PPM1N: variants seen among roughly 807,000 people sequenced by gnomAD.
PPM1N encodes the protein protein phosphatase, Mg2+/Mn2+ dependent 1N (putative), also known as probable protein phosphatase 1N.
In PPM1N, 35 loss-of-function variants were observed where a neutral mutation model predicts 32.6. The observed-to-expected ratio is 1.07, with a 90% confidence interval of 0.82 to 1.43. PPM1N has a LOEUF of 1.43. PPM1N is among the 40% of genes most tolerant of loss of function. PPM1N has a pLI of 0.00. For missense variants in PPM1N, 648 were observed against 606.6 expected (o/e 1.07, Z -0.72); for synonymous variants, 275 against 270.5 (o/e 1.02, Z -0.16).
At chr19:45,499,544 A>G in intron 1 of PPM1N, 133 bp downstream of exon 1, 2 of 1,551,234 alleles carry the variant, frequency 1.3e-6, no homozygotes, top group Non-Finnish European at 1.7e-6. Context: ...ACTCAAGCGA[A>G]GGGCGTGGCC....
In PPM1N at chr19:45,499,075, G is replaced by A. The variant is rs1023594047; in HGVS notation, c.603G>A (p.Arg201=). ...GAVAFSTEDH[R]PLRPRERERI... is the part of the protein sequence containing the mutation. Reference sequence around the variant, plus strand: ...TGGCCTTCAGCACAGAGGACCACCGGCCCCTTCGACCCCGGGAACGCGAGC... The same window carrying A: ...TGGCCTTCAGCACAGAGGACCACCGACCCCTTCGACCCCGGGAACGCGAGC... Residue 201 remains arginine (R), a synonymous_variant, in exon 1 of 5, where the codon CGG becomes CGA. Transcript: ENST00000451287. 2 of 1,517,890 alleles carry A rather than the reference G, an allele frequency of 1.3e-6. No individual in the cohort carries two copies. Among genetic ancestry groups the A allele is most frequent in the Admixed American group, 2.2e-5 (1 of 45,096 alleles). The allele number at this position is 1,517,890 out of a possible 1,614,324, so 94.0% of individuals were successfully genotyped here.
rs1485652122 is a variant in PPM1N at position 45,498,680 on chromosome 19, AGCGCAGCGCAAGGCTGGCGC to A, written c.213_232del (p.Ala72HisfsTer53). The A allele has an allele frequency of 1.4e-6, 2 of 1,451,912 alleles. No individual in the cohort carries two copies. The highest frequency in any genetic ancestry group is 1.8e-6 in the Non-Finnish European group (2 of 1,104,810). 89.9% of individuals were successfully genotyped at this position (1,451,912 alleles called of 1,614,324 possible). Reference sequence around the variant, plus strand: ...GTCTGGGGGCCTGCGCTTCGGGGCGAGCGCAGCGCAAGGCTGGCGCGCGCGCATGGAGGATGCTCACTGCA... The same window carrying A: ...GTCTGGGGGCCTGCGCTTCGGGGCGAGCGCGCATGGAGGATGCTCACTGCA... On this transcript the variant is annotated frameshift_variant, in exon 1 of 5. Transcript: ENST00000451287. LOFTEE classifies it high-confidence loss of function.
rs1209427924 is a variant in PPM1N at position 45,502,219 on chromosome 19, T to G, written c.*134T>G. The G allele has an allele frequency of 4.4e-6, 3 of 675,802 alleles. No homozygotes were observed. The highest frequency in any genetic ancestry group is 7.8e-6 in the Non-Finnish European group (3 of 383,434). 41.9% of individuals were successfully genotyped at this position (675,802 alleles called of 1,614,324 possible). A position where few individuals can be genotyped will look rare whatever the true frequency, so the allele number is the denominator to read the frequency against. ...AATGTAGGAACCCAAAATGCTTATT[T>G]CTTCTTCTCTTACTTCCCTCTCACA... On this transcript the variant is annotated 3_prime_UTR_variant, in exon 5 of 5. Coordinates refer to ENST00000451287, the MANE Select transcript of PPM1N (RefSeq NM_001080401.2).
chr19:45,500,352 C>G, intron 2 of PPM1N, 104 bp from the exon 3 acceptor site: 2 of 1,043,286 alleles, frequency 1.9e-6, no homozygotes, highest in Non-Finnish European at 1.4e-6. Flanking sequence ...CCAGGCTGGT[C>G]TCGAACCCCT....
chr19:45,502,309 A>G lies in PPM1N; in HGVS notation c.*224A>G, dbSNP rs1232690403. 2.0e-4 allele frequency: 33 copies of G among 163,054 alleles called. No homozygotes were observed. The highest frequency in any genetic ancestry group is 1.6e-3 in the Admixed American group (10 of 6,166). 10.1% of individuals were successfully genotyped at this position (163,054 alleles called of 1,614,324 possible). A position where few individuals can be genotyped will look rare whatever the true frequency, so the allele number is the denominator to read the frequency against. On this transcript the variant is annotated 3_prime_UTR_variant, in exon 5 of 5. Transcript: ENST00000451287. The stretch of plus-strand genomic sequence containing the variant: ...ACCAAAAAGAAAAAAGCCCAAATCG[A>G]AAAAAAAAAAAAAAAAAAAAAAAAA...
At position 45,502,327 on chromosome 19, in the gene PPM1N, AAAAAAAAC is replaced by A. The variant is rs369520573; in HGVS notation, c.*251_*258del. ...CAAATCGAAAAAAAAAAAAAAAAAA[AAAAAAAAC>A]AAAAAAACCCAACCAAATGTTTTTG... On this transcript the variant is annotated 3_prime_UTR_variant, in exon 5 of 5. Transcript: ENST00000451287. 3.8e-3 allele frequency: 1,885 copies of A among 498,282 alleles called. 49 individuals are homozygous for A. The highest frequency in any genetic ancestry group is 0.034 in the African/African-American group (1,486 of 43,466). 30.9% of individuals were successfully genotyped at this position (498,282 alleles called of 1,614,324 possible).
At chr19:45,500,847 C>T in intron 4 of PPM1N, 137 bp downstream of exon 4, 1 of 670,598 alleles carries the variant, frequency 1.5e-6, no homozygotes. Context: ...TCTCTTCTTT[C>T]TTTCTCTTTT....
chr19:45,499,551 G>T, intron 1 of PPM1N, 140 bp downstream of exon 1: 2 of 1,550,466 alleles, frequency 1.3e-6, no homozygotes, highest in Non-Finnish European at 1.7e-6. Flanking sequence ...CGAAGGGCGT[G>T]GCCTGAAGTG....
intron 4 of PPM1N, among the ~76,000 whole-genome samples, chr19:45,501,144 A>G (rs1968408570): frequency 6.6e-6 from 1 of 152,180 alleles, no homozygotes; most frequent in Non-Finnish European, 1.5e-5. Context: ...AACGCTCTGC[A>G]GTGCCCCATC....
Position 45,499,974 on chromosome 19 carries a change from T to A in PPM1N, c.965T>A (p.Ile322Asn). Residue 322 changes from isoleucine (I) to asparagine (N), a missense_variant, in exon 2 of 5, where the codon ATC becomes AAC. Transcript: ENST00000451287. ...GGCAGCCTGGACAACATGACCTGCA[T>A]CCTGGTCTGCTTCCCTGGGGCCCCT... is the stretch of plus-strand genomic sequence containing the variant. ...CKGSLDNMTC[I>N]LVCFPGAPRP... 2.5e-6 allele frequency: 4 copies of A among 1,597,508 alleles called. No individual in the cohort carries two copies. Among genetic ancestry groups the A allele is most frequent in the Non-Finnish European group, 3.4e-6 (4 of 1,171,584 alleles).
At chr19:45,501,840 T>A (rs1968418234) in intron 4 of PPM1N, among the ~76,000 whole-genome samples, 177 bp from the exon 5 acceptor site, 1 of 152,166 alleles carries the variant, frequency 6.6e-6, no homozygotes, top group African/African-American at 2.4e-5. Context: ...GGTCACATGC[T>A]GACCAGTCAC....
chr19:45,498,874 G>C lies in PPM1N; in HGVS notation c.402G>C (p.Glu134Asp). 6.6e-7 allele frequency: 1 copy of C among 1,517,384 alleles called. No individual in the cohort carries two copies. The highest frequency in any genetic ancestry group is 1.2e-5 in the South Asian group (1 of 80,544). The allele number at this position is 1,517,384 out of a possible 1,614,324, so 94.0% of individuals were successfully genotyped here. A position where few individuals can be genotyped will look rare whatever the true frequency, so the allele number is the denominator to read the frequency against. The change falls in exon 1 of 5, where the codon GAG becomes GAC. Residue 134 changes from glutamate to aspartate, a missense_variant. Glu to Asp is a conservative substitution (Grantham distance 45). Coordinates refer to ENST00000451287, the MANE Select transcript of PPM1N (RefSeq NM_001080401.2). ...TGGGCCCGGAGCCTAGCGAGCCCGA[G>C]GGCGTGCGCGAGGCGCTGCGCCGAG... is the stretch of plus-strand genomic sequence containing the variant. ...QELGPEPSEP[E>D]GVREALRRAF...
Position 45,498,510 on chromosome 19 carries a change from G to T in PPM1N, c.38G>T (p.Trp13Leu). The T allele has an allele frequency of 7.1e-7, 1 of 1,406,966 alleles. No homozygotes were observed. The allele number at this position is 1,406,966 out of a possible 1,614,324, so 87.2% of individuals were successfully genotyped here. A position where few individuals can be genotyped will look rare whatever the true frequency, so the allele number is the denominator to read the frequency against. Reference protein sequence around the residue: ...VLARQLQRLLWTACKKKEREK... With the variant: ...VLARQLQRLLLTACKKKEREK... ...GCCCGCCAGCTGCAGCGTCTCCTCTGGACCGCTTGCAAGAAAAAGGAGAGG... is the reference window on the plus strand; with the variant it reads ...GCCCGCCAGCTGCAGCGTCTCCTCTTGACCGCTTGCAAGAAAAAGGAGAGG... Residue 13 changes from tryptophan to leucine, a missense_variant, in exon 1 of 5, where the codon TGG (tryptophan) becomes TTG (leucine). Transcript: ENST00000451287.
chr19:45,498,789 G>T lies in PPM1N; in HGVS notation c.317G>T (p.Gly106Val). 6.4e-7 allele frequency: 1 copy of T among 1,553,200 alleles called. No individual in the cohort carries two copies. The change falls in exon 1 of 5, where the codon GGT (glycine) becomes GTT (valine). Residue 106 changes from glycine to valine, a missense_variant. By Grantham distance (109) the Gly-to-Val change is moderately radical (BLOSUM62 -3). Coordinates refer to ENST00000451287, the MANE Select transcript of PPM1N (RefSeq NM_001080401.2). ...TTGTTTGCCGTCCTCGACGGCCACG[G>T]TGGGGCTCGAGCTGCCCGCTTCGGT... ...WALFAVLDGH[G>V]GARAARFGAR...
At position 45,499,271 on chromosome 19, in the gene PPM1N, G is replaced by C; in HGVS notation, c.799G>C (p.Glu267Gln). ...VAALARQAED[E>Q]FMLLASDGVW... Reference sequence around the variant, plus strand: ...CGCACTGGCACGCCAGGCTGAGGACGAGTTCATGCTCCTGGCCTCTGATGG... The same window carrying C: ...CGCACTGGCACGCCAGGCTGAGGACCAGTTCATGCTCCTGGCCTCTGATGG... The change falls in exon 1 of 5, where the codon GAG becomes CAG. Residue 267 changes from glutamate to glutamine, a missense_variant. Glu to Gln is a conservative substitution (Grantham distance 29). Coordinates refer to ENST00000451287, the MANE Select transcript of PPM1N (RefSeq NM_001080401.2). The C allele has an allele frequency of 1.2e-6, 2 of 1,611,766 alleles. No homozygotes were observed. The highest frequency in any genetic ancestry group is 1.7e-6 in the Non-Finnish European group (2 of 1,179,502).
At position 45,499,971 on chromosome 19, in the gene PPM1N, G is replaced by C; in HGVS notation, c.962G>C (p.Cys321Ser). 1 of 1,595,426 alleles carries C rather than the reference G, an allele frequency of 6.3e-7. No homozygotes were observed. Among genetic ancestry groups the C allele is most frequent in the Non-Finnish European group, 8.5e-7 (1 of 1,170,394 alleles). Residue 321 changes from cysteine (C) to serine (S), a missense_variant, in exon 2 of 5, where the codon TGC becomes TCC. Transcript: ENST00000451287. ...LCKGSLDNMT[C>S]ILVCFPGAPR... ...CAGGGCAGCCTGGACAACATGACCTGCATCCTGGTCTGCTTCCCTGGGGCC... is the reference window on the plus strand; with the variant it reads ...CAGGGCAGCCTGGACAACATGACCTCCATCCTGGTCTGCTTCCCTGGGGCC...
intron 2 of PPM1N, 119 bp from the exon 3 acceptor site, chr19:45,500,337 G>A: frequency 3.3e-6 from 3 of 910,578 alleles, no homozygotes; most frequent in Non-Finnish European, 5.0e-6. Flanking sequence ...GTTTCACGAT[G>A]TTGTCCAGGC....
rs1968371243 is a variant in PPM1N at position 45,499,391 on chromosome 19, T to C, written c.919T>C (p.Leu307=). The part of the protein sequence containing the change: ...LAPELLCAQL[L]DTCLCKGSLD... The stretch of plus-strand genomic sequence containing the variant: ...CCCAGAGCTTCTCTGCGCGCAGCTG[T>C]TGGACACGTGTCTGTGCAAGGTCCT... The change falls in exon 1 of 5, where the codon TTG becomes CTG. Residue 307 remains leucine, a synonymous_variant. Coordinates refer to ENST00000451287, the MANE Select transcript of PPM1N (RefSeq NM_001080401.2). 2 of 1,605,718 alleles carry C rather than the reference T, an allele frequency of 1.2e-6. No individual in the cohort carries two copies. Among genetic ancestry groups the C allele is most frequent in the African/African-American group, 1.3e-5 (1 of 74,716 alleles).
chr19:45,499,481 G>A (rs1156442938), intron 1 of PPM1N, 70 bp downstream of exon 1: 2 of 1,596,322 alleles, frequency 1.3e-6, no homozygotes, highest in Admixed American at 1.8e-5. Context: ...GGGTTTTGGG[G>A]AGGAGGGCTT....
Sources: allele counts gnomAD v4.1 joint callset (sites outside exome capture counted in the v4.1 genomes callset), GRCh38; gene constraint gnomAD v4.1.1; transcripts MANE v1.5; gene names NCBI Gene and HGNC (gene_info 2026-07-23, HGNC 2026-07-21).